Variants in PCDHA12 observed in about 807,000 individuals in gnomAD.
The protein encoded by PCDHA12 is protocadherin alpha 12.
A neutral mutation model predicts 60.0 loss-of-function variants in PCDHA12; 44 were observed. The ratio of observed to expected loss-of-function variants is 0.73; its 90% CI spans 0.58 to 0.94. The LOEUF (loss-of-function observed/expected upper bound fraction) is 0.94, where lower values mean the gene tolerates loss of function less well. PCDHA12 is among the 40% of genes least tolerant of loss of function. The pLI is 0.00. For missense variants in PCDHA12, 1,276 were observed against 1,239.7 expected, an observed-to-expected ratio of 1.03 and a Z score of -0.44; for synonymous variants, 569 against 553.0, an observed-to-expected ratio of 1.03 and a Z score of -0.40.
chr5:140,928,585 G>T, intron 1 of PCDHA12: 1 of 1,614,194 alleles, frequency 6.2e-7, no homozygotes, highest in Non-Finnish European at 8.5e-7. Context: ...AAATGGTTCT[G>T]TCCCAGTGGA....
intron 1 of PCDHA12, chr5:140,927,762 T>A (rs781993567): frequency 1.8e-5 from 29 of 1,613,934 alleles, no homozygotes; most frequent in Non-Finnish European, 2.4e-5. Context: ...ACCCTAAAAG[T>A]GGGGAGGTGC....
intron 3 of PCDHA12, among the ~76,000 whole-genome samples, chr5:140,990,780 GACGATGA>G (rs1554251732): frequency 6.6e-6 from 1 of 152,192 alleles, no homozygotes; most frequent in Non-Finnish European, 1.5e-5. Flanking sequence ...CTCTGTGTTG[GACGATGA>G]ACCATGGAAT....
intron 3 of PCDHA12, among the ~76,000 whole-genome samples, chr5:141,000,648 G>A (rs559996046): frequency 8.9e-4 from 134 of 150,894 alleles, no homozygotes; most frequent in African/African-American, 2.6e-3. Flanking sequence ...GGCTGGTCTC[G>A]AACTCCTGAC....
At chr5:140,977,263 TAC>T (rs1466968557) in intron 1 of PCDHA12, among the ~76,000 whole-genome samples, 4 of 152,230 alleles carry the variant, frequency 2.6e-5, no homozygotes, top group Admixed American at 1.3e-4. Flanking sequence ...CAGCAGATGT[TAC>T]AGTCTTTCTC....
chr5:140,890,966 T>C (rs2062882231), intron 1 of PCDHA12, among the ~76,000 whole-genome samples: 1 of 152,206 alleles, frequency 6.6e-6, no homozygotes, highest in African/African-American at 2.4e-5. Flanking sequence ...TCAGGTTTTG[T>C]TTTTCTGAAA....
At chr5:140,928,160 C>G (rs782224079) in intron 1 of PCDHA12, 1 of 1,614,096 alleles carries the variant, frequency 6.2e-7, no homozygotes, top group Non-Finnish European at 8.5e-7. Flanking sequence ...AGTGGCTCAC[C>G]CCCACTTAGC....
chr5:140,948,573 G>A (rs892818051), intron 1 of PCDHA12, among the ~76,000 whole-genome samples: 1 of 151,448 alleles, frequency 6.6e-6, no homozygotes, highest in Non-Finnish European at 1.5e-5. Flanking sequence ...ATTTTTTAAA[G>A]GATTTGTCAG....
At chr5:140,948,253 AT>A (rs1365335948) in intron 1 of PCDHA12, among the ~76,000 whole-genome samples, 1 of 151,624 alleles carries the variant, frequency 6.6e-6, no homozygotes, top group Non-Finnish European at 1.5e-5. Context: ...ATATTTTTAC[AT>A]CTGTGTTCAT....
intron 3 of PCDHA12, among the ~76,000 whole-genome samples, chr5:141,003,942 G>C (rs1054043476): frequency 2.0e-5 from 3 of 152,148 alleles, no homozygotes; most frequent in Non-Finnish European, 2.9e-5. Flanking sequence ...TTGCCTGAGG[G>C]TGAGCTAGGA....
chr5:140,967,116 G>T, intron 1 of PCDHA12: 1 of 1,612,922 alleles, frequency 6.2e-7, no homozygotes, highest in Non-Finnish European at 8.5e-7. Flanking sequence ...CGGCCTCGCT[G>T]CCTGCTCAGC....
chr5:140,882,720 G>T, intron 1 of PCDHA12: 2 of 1,614,198 alleles, frequency 1.2e-6, no homozygotes, highest in Non-Finnish European at 1.7e-6. Context: ...CCGGAAACTC[G>T]ATTTCCACTA....
chr5:140,929,471 G>C, intron 1 of PCDHA12: 1 of 1,293,428 alleles, frequency 7.7e-7, no homozygotes, highest in Non-Finnish European at 1.0e-6. Context: ...CAAGAAATCT[G>C]GAAGTATAGA....
chr5:140,984,138 G>A (rs1476039645), intron 3 of PCDHA12, among the ~76,000 whole-genome samples: 1 of 152,194 alleles, frequency 6.6e-6, no homozygotes, highest in East Asian at 1.9e-4. Flanking sequence ...GGATGTGGAG[G>A]CATCTGGGAA....
chr5:140,948,017 T>TTTTCC (rs1351599974), intron 1 of PCDHA12, among the ~76,000 whole-genome samples: 1 of 151,262 alleles, frequency 6.6e-6, no homozygotes, highest in African/African-American at 2.4e-5. Flanking sequence ...GGAAGTACCC[T>TTTTCC]TTCTGGTTTG....
intron 1 of PCDHA12, chr5:140,928,272 TG>T (rs781906023): frequency 6.2e-7 from 1 of 1,614,156 alleles, no homozygotes; most frequent in Non-Finnish European, 8.5e-7. Context: ...ACAATGGCCC[TG>T]GGGCCTCTCT....
At chr5:140,926,320 C>T (rs555057115) in intron 1 of PCDHA12, 1 of 152,240 alleles carries the variant, frequency 6.6e-6, no homozygotes, top group Non-Finnish European at 1.5e-5. Context: ...AGAGGTGCGC[C>T]GGGGTCAGAG....
intron 1 of PCDHA12, chr5:140,882,140 T>C (rs1010543120): frequency 7.4e-6 from 11 of 1,490,760 alleles, no homozygotes; most frequent in Admixed American, 4.6e-5. Flanking sequence ...GCAGAAAATA[T>C]AGCAGAAAGC....
Position 140,917,330 on chromosome 5 carries a change from A to AG in PCDHA12, c.2367+39499dup, listed in dbSNP as rs1425400137. Among the ~76,000 whole-genome samples the AG allele has an allele frequency of 2.5e-4, 26 of 103,228 alleles. 2 individuals carry two copies. The highest frequency in any genetic ancestry group is 3.2e-4 in the East Asian group (1 of 3,132). The allele number at this position is 103,228 out of a possible 152,430, so 67.7% of individuals were successfully genotyped here. On this transcript the variant is annotated intron_variant, in intron 1 of 3. Coordinates refer to ENST00000398631, the MANE Select transcript of PCDHA12 (RefSeq NM_018903.4). Reference sequence around the variant, plus strand: ...CAATTTGGTGTTCATGTGGCGGGGGAGGGGGGGGATGGTGTAGGCTTCTGT... The same window carrying AG: ...CAATTTGGTGTTCATGTGGCGGGGGAGGGGGGGGGATGGTGTAGGCTTCTGT...
At chr5:140,949,042 G>A (rs2094338452) in intron 1 of PCDHA12, among the ~76,000 whole-genome samples, 2 of 151,644 alleles carry the variant, frequency 1.3e-5, no homozygotes, top group African/African-American at 2.4e-5. Flanking sequence ...TTAAAAGTAT[G>A]TTCTAATTTC....
Sources: allele counts gnomAD v4.1 joint callset (sites outside exome capture counted in the v4.1 genomes callset), GRCh38; gene constraint gnomAD v4.1.1; transcripts MANE v1.5; gene names NCBI Gene and HGNC (gene_info 2026-07-23, HGNC 2026-07-21).